The following NOL4 variants were observed in gnomAD, a reference collection of about 807,000 sequenced individuals.
NOL4 encodes the protein nucleolar protein 4, also known as cancer/testis antigen 125.
In NOL4, 17 loss-of-function variants were observed where a neutral mutation model predicts 75.9. That is an observed-to-expected ratio of 0.22 (90% CI 0.15 to 0.34). The LOEUF (loss-of-function observed/expected upper bound fraction) is 0.34, where lower values mean the gene tolerates loss of function less well. Among genes scored for constraint, NOL4 ranks in the 10% least tolerant of loss-of-function variants. The probability of loss-of-function intolerance (pLI) is 1.00; values close to 1 mark genes in which losing one functional copy is unlikely to be tolerated. For synonymous variants in NOL4, 292 were observed against 289.9 expected (o/e 1.01, Z -0.07); for missense variants, 614 against 793.5 (o/e 0.77, Z 2.72).
chr18:34,111,902 C>A (rs1175885265), intron 2 of NOL4, among the ~76,000 whole-genome samples: 2 of 152,058 alleles, frequency 1.3e-5, no homozygotes, highest in Admixed American at 6.6e-5. Flanking sequence ...GTAAATCAAC[C>A]CAGCCATTAT....
At chr18:33,914,445 T>C (rs143259457) in intron 9 of NOL4, among the ~76,000 whole-genome samples, 6 of 152,120 alleles carry the variant, frequency 3.9e-5, no homozygotes, top group Admixed American at 1.3e-4. Context: ...CTTAATAAGA[T>C]GGAAAGCCAC....
rs184411208 is a variant in NOL4, at chr18:33,855,875, C to T, written c.1724-2840G>A. On this transcript the variant is annotated intron_variant, in intron 10 of 10. Transcript: ENST00000261592. Reference sequence around the variant, plus strand: ...TAAGTTATCAGTTGAATACTTCTCCCGTTTATGGTGCATTTTTGGTTGTTG... The same window carrying T: ...TAAGTTATCAGTTGAATACTTCTCCTGTTTATGGTGCATTTTTGGTTGTTG... Among the ~76,000 whole-genome samples, 101 of 151,178 alleles carry T rather than the reference C, an allele frequency of 6.7e-4. 1 individual carries two copies. The highest frequency in any genetic ancestry group is 1.3e-3 in the Non-Finnish European group (89 of 67,846).
At chr18:33,919,387 C>A (rs951984690) in intron 9 of NOL4, among the ~76,000 whole-genome samples, 15 of 152,128 alleles carry the variant, frequency 9.9e-5, no homozygotes, top group African/African-American at 3.6e-4. Context: ...CTGGTGTTTA[C>A]CCCCTGAGCC....
At chr18:34,120,161 G>A (rs78583314) in intron 2 of NOL4, among the ~76,000 whole-genome samples, 5,169 of 152,184 alleles carry the variant, frequency 0.034, 91 homozygotes, top group Middle Eastern at 0.048. Flanking sequence ...GGAAAAAATT[G>A]TTATGTCAGG....
intron 9 of NOL4, among the ~76,000 whole-genome samples, chr18:33,922,234 C>A (rs2067084120): frequency 6.6e-6 from 1 of 152,138 alleles, no homozygotes; most frequent in Non-Finnish European, 1.5e-5. Context: ...CTGCTTACAC[C>A]ATTTTTGACT....
chr18:33,940,266 A>T (rs2068374681), intron 9 of NOL4, among the ~76,000 whole-genome samples: 1 of 152,108 alleles, frequency 6.6e-6, no homozygotes, highest in Non-Finnish European at 1.5e-5. Context: ...TATTTATTGC[A>T]GCACTATTCA....
intron 5 of NOL4, among the ~76,000 whole-genome samples, chr18:34,040,405 G>A (rs985993211): frequency 5.9e-5 from 9 of 151,692 alleles, no homozygotes; most frequent in African/African-American, 2.2e-4. Flanking sequence ...GGTGATTGAA[G>A]CTATTTTCAA....
At chr18:34,220,588 C>T (rs1009821068) in intron 1 of NOL4, among the ~76,000 whole-genome samples, 54 of 152,046 alleles carry the variant, frequency 3.6e-4, no homozygotes, top group African/African-American at 1.3e-3. Context: ...TGTAGGGAAA[C>T]ACATGATAAA....
intron 6 of NOL4, among the ~76,000 whole-genome samples, chr18:33,960,935 A>C (rs1410463811): frequency 6.6e-6 from 1 of 152,058 alleles, no homozygotes; most frequent in Non-Finnish European, 1.5e-5. Context: ...TTAACATCTA[A>C]CTATGAATTT....
intron 5 of NOL4, among the ~76,000 whole-genome samples, chr18:34,068,888 A>G (rs2077394317): frequency 6.6e-6 from 1 of 152,202 alleles, no homozygotes; most frequent in Non-Finnish European, 1.5e-5. Flanking sequence ...CAATATTATT[A>G]AAACTATGGT....
intron 8 of NOL4, among the ~76,000 whole-genome samples, 191 bp from the exon 9 acceptor site, chr18:33,943,369 A>T (rs921895244): frequency 5.3e-5 from 8 of 151,886 alleles, no homozygotes; most frequent in African/African-American, 1.9e-4. Flanking sequence ...TTAGAGGTTA[A>T]AGCTATCGTT....
At chr18:34,160,216 C>CT (rs1453165136) in intron 1 of NOL4, among the ~76,000 whole-genome samples, 4 of 152,088 alleles carry the variant, frequency 2.6e-5, no homozygotes, top group Non-Finnish European at 1.5e-5. Flanking sequence ...AAAGAAACAA[C>CT]TTTTCAATTC....
intron 6 of NOL4, among the ~76,000 whole-genome samples, chr18:33,966,362 A>G (rs1313914063): frequency 6.6e-6 from 1 of 152,184 alleles, no homozygotes; most frequent in Non-Finnish European, 1.5e-5. Context: ...CAAAAGCTGG[A>G]AGCATTTCCA....
chr18:34,013,236 AT>A (rs2074481090), intron 6 of NOL4, among the ~76,000 whole-genome samples: 1 of 151,846 alleles, frequency 6.6e-6, no homozygotes, highest in Admixed American at 6.6e-5. Context: ...TCCACCACCT[AT>A]CTAATCAAAC....
intron 10 of NOL4, among the ~76,000 whole-genome samples, chr18:33,870,798 C>G (rs1034774661): frequency 1.3e-5 from 2 of 151,982 alleles, no homozygotes; most frequent in African/African-American, 4.8e-5. Flanking sequence ...ATCCTAAATT[C>G]AGAAGACTGT....
At chr18:33,905,155 A>G (rs2065959155) in intron 9 of NOL4, among the ~76,000 whole-genome samples, 1 of 152,184 alleles carries the variant, frequency 6.6e-6, no homozygotes, top group Admixed American at 6.6e-5. Context: ...AGATTTAGCA[A>G]TTGCCAAATA....
intron 1 of NOL4, among the ~76,000 whole-genome samples, chr18:34,213,751 T>C (rs2036680696): frequency 6.6e-6 from 1 of 152,178 alleles, no homozygotes; most frequent in African/African-American, 2.4e-5. Flanking sequence ...CCCTCAGAAC[T>C]GTAAGAAATA....
intron 5 of NOL4, among the ~76,000 whole-genome samples, chr18:34,038,018 A>T (rs983411847): frequency 6.6e-6 from 1 of 152,054 alleles, no homozygotes; most frequent in Non-Finnish European, 1.5e-5. Context: ...TACCCAAAAT[A>T]CTCAAAGAAC....
intron 6 of NOL4, among the ~76,000 whole-genome samples, chr18:34,011,030 A>G (rs2074342331): frequency 6.6e-6 from 1 of 151,842 alleles, no homozygotes; most frequent in Non-Finnish European, 1.5e-5. Flanking sequence ...ATAGCACAAC[A>G]GGGTGGCTAC....
Sources: allele counts gnomAD v4.1 joint callset (sites outside exome capture counted in the v4.1 genomes callset), GRCh38; gene constraint gnomAD v4.1.1; transcripts MANE v1.5; gene names NCBI Gene and HGNC (gene_info 2026-07-23, HGNC 2026-07-21).